The following PPP6R2 variants were observed in gnomAD, a reference collection of about 807,000 sequenced individuals.
The protein encoded by PPP6R2 is protein phosphatase 6 regulatory subunit 2.
A neutral mutation model predicts 100.2 loss-of-function variants in PPP6R2; 62 were observed. The ratio of observed to expected loss-of-function variants is 0.62; its 90% CI spans 0.50 to 0.76. The LOEUF (loss-of-function observed/expected upper bound fraction) is 0.76, where lower values mean the gene tolerates loss of function less well. Among genes scored for constraint, PPP6R2 ranks in the 30% least tolerant of loss-of-function variants. The pLI, the probability that PPP6R2 is intolerant of heterozygous loss-of-function variation, is 0.00. For missense variants in PPP6R2, 1,142 were observed against 1,276.3 expected, an observed-to-expected ratio of 0.89 and a Z score of 1.60; for synonymous variants, 525 against 514.7, an observed-to-expected ratio of 1.02 and a Z score of -0.27.
chr22:50,370,585 C>T (rs561591635), intron 1 of PPP6R2, among the ~76,000 whole-genome samples: 1 of 151,984 alleles, frequency 6.6e-6, no homozygotes, highest in African/African-American at 2.4e-5. Context: ...CCACGCCTGG[C>T]CACGCTATGT....
At position 50,440,112 on chromosome 22, in the gene PPP6R2, C is replaced by T. The variant is rs1344251565; in HGVS notation, c.2374+63C>T. On this transcript the variant is annotated intron_variant, in intron 21 of 23. Transcript: ENST00000612753. Reference sequence around the variant, plus strand: ...CAGTTTAAGGCCTGAGGCCAGCTGGCCCCCCTCCTTGGGGGCAGTGGGAGG... The same window carrying T: ...CAGTTTAAGGCCTGAGGCCAGCTGGTCCCCCTCCTTGGGGGCAGTGGGAGG... The T allele has an allele frequency of 2.7e-6, 4 of 1,460,738 alleles. No individual in the cohort carries two copies. The East Asian group carries it at 6.9e-5, about 25-fold the overall frequency. The allele number at this position is 1,460,738 out of a possible 1,614,324, so 90.5% of individuals were successfully genotyped here.
chr22:50,365,763 T>A (rs1602385405), intron 1 of PPP6R2, among the ~76,000 whole-genome samples: 4 of 151,800 alleles, frequency 2.6e-5, no homozygotes, highest in Admixed American at 2.6e-4. Flanking sequence ...TTCTGTTTGC[T>A]CTGTCACTCA....
chr22:50,444,483 C>A lies in PPP6R2; in HGVS notation c.*236C>A. On this transcript the variant is annotated 3_prime_UTR_variant, in exon 24 of 24. Coordinates refer to ENST00000612753, the MANE Select transcript of PPP6R2 (RefSeq NM_001242898.2). ...AGGACAGAGGGGCACCTCAGCCGCC[C>A]CCAAGCCCAGAGCACAGCAATAAGG... 1 of 531,956 alleles carries A rather than the reference C, an allele frequency of 1.9e-6. No individual in the cohort carries two copies. Among genetic ancestry groups the A allele is most frequent in the Non-Finnish European group, 3.2e-6 (1 of 311,896 alleles). 33.0% of individuals were successfully genotyped at this position (531,956 alleles called of 1,614,324 possible).
At chr22:50,353,222 G>A (rs1392432424) in intron 1 of PPP6R2, among the ~76,000 whole-genome samples, 2 of 152,302 alleles carry the variant, frequency 1.3e-5, no homozygotes, top group East Asian at 1.9e-4. Context: ...TTGGCCTGTC[G>A]GCTTTTGACA....
chr22:50,358,931 G>T (rs1226343047), intron 1 of PPP6R2, among the ~76,000 whole-genome samples: 2 of 146,960 alleles, frequency 1.4e-5, no homozygotes, highest in African/African-American at 4.9e-5. Flanking sequence ...TTAACACCGC[G>T]ATGTCTTGAT....
chr22:50,440,182 G>A, intron 21 of PPP6R2, 133 bp downstream of exon 21: 2 of 835,264 alleles, frequency 2.4e-6, no homozygotes, highest in Non-Finnish European at 3.7e-6. Context: ...GGTGACATTG[G>A]GGTTTGATAC....
chr22:50,440,907 C>A lies in PPP6R2; in HGVS notation c.2460C>A (p.Gly820=). 10 of 1,613,768 alleles carry A rather than the reference C, an allele frequency of 6.2e-6. No individual in the cohort carries two copies. The highest frequency in any genetic ancestry group is 8.5e-6 in the Non-Finnish European group (10 of 1,179,992). ...LLASDSSSSG[G]SHSEDGDQKA... is the part of the protein sequence containing the mutation. ...CCTCTGACAGTAGCTCCTCTGGGGGCTCCCACAGCGAGGATGGCGACCAGA... is the reference window on the plus strand; with the variant it reads ...CCTCTGACAGTAGCTCCTCTGGGGGATCCCACAGCGAGGATGGCGACCAGA... Residue 820 remains glycine, a synonymous_variant, in exon 22 of 24, where the codon GGC becomes GGA. Coordinates refer to ENST00000612753, the MANE Select transcript of PPP6R2 (RefSeq NM_001242898.2).
chr22:50,346,745 C>T (rs2043843455), intron 1 of PPP6R2, among the ~76,000 whole-genome samples: 1 of 149,336 alleles, frequency 6.7e-6, no homozygotes, highest in African/African-American at 2.5e-5. Flanking sequence ...TTGGTCAGTG[C>T]TCCCCCACCG....
intron 22 of PPP6R2, among the ~76,000 whole-genome samples, chr22:50,442,352 C>T (rs5770794): frequency 0.3 from 46,358 of 152,118 alleles, 7,839 homozygotes; most frequent in East Asian, 0.65. Flanking sequence ...CCCGTCTGTG[C>T]TCACAGCTCC....
chr22:50,394,172 C>T (rs2056232426), intron 3 of PPP6R2, 37 bp downstream of exon 3: 1 of 1,603,634 alleles, frequency 6.2e-7, no homozygotes, highest in Non-Finnish European at 8.5e-7. Context: ...GTACGCCAGG[C>T]AGTGCTGCAG....
intron 1 of PPP6R2, among the ~76,000 whole-genome samples, chr22:50,355,289 G>A (rs992258054): frequency 3.3e-5 from 5 of 149,602 alleles, no homozygotes; most frequent in African/African-American, 1.2e-4. Context: ...CTAGGCTGGA[G>A]TGCAGCGGCG....
intron 3 of PPP6R2, among the ~76,000 whole-genome samples, chr22:50,403,619 C>T (rs1009732477): frequency 6.6e-6 from 1 of 152,210 alleles, no homozygotes; most frequent in Non-Finnish European, 1.5e-5. Flanking sequence ...AGCTCTCAGG[C>T]CCCCTCTCTG....
Position 50,393,471 on chromosome 22 carries a change from G to A in PPP6R2, c.-16-422G>A, listed in dbSNP as rs896243037. The A allele has an allele frequency of 2.8e-5, 28 of 984,998 alleles. No individual in the cohort carries two copies. The African/African-American group carries it at 4.5e-4, about 16-fold the overall frequency. The allele number at this position is 984,998 out of a possible 1,614,324, so 61.0% of individuals were successfully genotyped here. A position where few individuals can be genotyped will look rare whatever the true frequency, so the allele number is the denominator to read the frequency against. ...ATGGGAGAGACACCTGGGCGCATTCGCCTAACAGAACTACAGAGCAAGCAA... is the reference window on the plus strand; with the variant it reads ...ATGGGAGAGACACCTGGGCGCATTCACCTAACAGAACTACAGAGCAAGCAA... On this transcript the variant is annotated intron_variant, in intron 2 of 23. Coordinates refer to ENST00000612753, the MANE Select transcript of PPP6R2 (RefSeq NM_001242898.2).
chr22:50,334,191 G>T, the PPP6R2 span, among the ~76,000 whole-genome samples: 6 of 152,226 alleles, frequency 3.9e-5, no homozygotes, highest in Admixed American at 6.5e-5. Flanking sequence ...CTGATGTCAG[G>T]CCTTCCACAA....
In PPP6R2 at chr22:50,406,756, G is replaced by A; in HGVS notation, c.295G>A (p.Asp99Asn). Reference sequence around the variant, plus strand: ...GCAGATCAGCGACCGCCTCGGTGGGGACGAGAGCCTGCTGAGCCTCCTGTA... The same window carrying A: ...GCAGATCAGCGACCGCCTCGGTGGGAACGAGAGCCTGCTGAGCCTCCTGTA... The part of the protein sequence containing the change: ...VPQISDRLGG[D>N]ESLLSLLYDF... Residue 99 changes from aspartate (D) to asparagine (N), a missense_variant, in exon 4 of 24, where the codon GAC (aspartate) becomes AAC (asparagine). By Grantham distance (23) the Asp-to-Asn change is conservative. Around this residue, in one of 2 missense-constraint regions of PPP6R2, gnomAD observed 592 missense variants for 758.9 expected, o/e 0.78. Coordinates refer to ENST00000612753, the MANE Select transcript of PPP6R2 (RefSeq NM_001242898.2). 6.2e-7 allele frequency: 1 copy of A among 1,614,102 alleles called. No individual in the cohort carries two copies. The highest frequency in any genetic ancestry group is 8.5e-7 in the Non-Finnish European group (1 of 1,179,992).
At chr22:50,333,386 G>A in the PPP6R2 span, among the ~76,000 whole-genome samples, 2 of 150,110 alleles carry the variant, frequency 1.3e-5, no homozygotes, top group Admixed American at 6.7e-5. Context: ...GCCCAGGCTA[G>A]AGTGCAGTGG....
chr22:50,376,323 A>C lies in PPP6R2; in HGVS notation c.-17+4173A>C, dbSNP rs1342235522. Among the ~76,000 whole-genome samples the C allele has an allele frequency of 2.0e-5, 3 of 152,114 alleles. No homozygotes were observed. In the East Asian group the frequency reaches 5.8e-4, roughly 29 times the overall value. On this transcript the variant is annotated intron_variant, in intron 2 of 23. Transcript: ENST00000612753. ...TGACAAAGTGAAACCTTGTCTCAAA[A>C]AAACCCCCAGAAAATGAAAACAGGA...
At chr22:50,417,386 G>A (rs2060684046) in intron 6 of PPP6R2, among the ~76,000 whole-genome samples, 1 of 152,140 alleles carries the variant, frequency 6.6e-6, no homozygotes, top group Admixed American at 6.5e-5. Context: ...TGAACTCCAG[G>A]ACGGGATTGC....
chr22:50,337,862 CTGTG>C, the PPP6R2 span, among the ~76,000 whole-genome samples: 1 of 77,024 alleles, frequency 1.3e-5, no homozygotes, highest in African/African-American at 5.2e-5. Flanking sequence ...GTTGGTGTGT[CTGTG>C]TGTGGTGTAT....
Sources: allele counts gnomAD v4.1 joint callset (sites outside exome capture counted in the v4.1 genomes callset), GRCh38; gene constraint gnomAD v4.1.1; regional missense constraint gnomAD v4.1.1; transcripts MANE v1.5; gene names NCBI Gene and HGNC (gene_info 2026-07-23, HGNC 2026-07-21).